The following RORA variants were observed in gnomAD, a reference collection of about 807,000 sequenced individuals.
The protein encoded by RORA is RAR related orphan receptor A, also known as nuclear receptor ROR-alpha.
In RORA, 7 loss-of-function variants were observed where a neutral mutation model predicts 69.5. The ratio of observed to expected loss-of-function variants is 0.10; its 90% confidence interval spans 0.06 to 0.19. The LOEUF (loss-of-function observed/expected upper bound fraction) is 0.19, where lower values mean the gene tolerates loss of function less well. Among genes scored for constraint, RORA ranks in the 10% least tolerant of loss-of-function variants. The pLI, the probability that RORA is intolerant of heterozygous loss-of-function variation, is 1.00. For missense variants in RORA, 457 were observed against 663.0 expected (o/e 0.69, Z 3.41); for synonymous variants, 261 against 240.8 (o/e 1.08, Z -0.78).
rs192097405 is a variant in RORA at position 60,677,447 on chromosome 15, G to A, written c.196+1210C>T. On this transcript the variant is annotated intron_variant, in intron 2 of 10. Transcript: ENST00000335670. ...GCCATCCGGATCATGTGTCTAGTAC[G>A]GGCCTGACCTTTTCATTGTTCCTCA... Among the ~76,000 whole-genome samples, 37 of 152,222 alleles carry A rather than the reference G, an allele frequency of 2.4e-4. No individual in the cohort carries two copies. The East Asian group carries it at 5.4e-3, about 22-fold the overall frequency.
intron 1 of RORA, among the ~76,000 whole-genome samples, chr15:61,124,762 AC>A (rs2079129792): frequency 6.6e-6 from 1 of 152,192 alleles, no homozygotes; most frequent in African/African-American, 2.4e-5. Flanking sequence ...AACTCTGAGT[AC>A]TCAAAGACTG....
At chr15:60,911,658 A>T (rs1891721562) in intron 1 of RORA, among the ~76,000 whole-genome samples, 1 of 151,972 alleles carries the variant, frequency 6.6e-6, no homozygotes, top group African/African-American at 2.4e-5. Context: ...TCGTTTTGGG[A>T]GAAAGAAGGG....
chr15:61,083,323 A>C (rs2078573216), intron 1 of RORA, among the ~76,000 whole-genome samples: 1 of 152,218 alleles, frequency 6.6e-6, no homozygotes, highest in Admixed American at 6.5e-5. Flanking sequence ...CAAGATTAAG[A>C]TTACAAAACG....
chr15:61,066,937 C>T (rs1214039701), intron 1 of RORA, among the ~76,000 whole-genome samples: 1 of 148,542 alleles, frequency 6.7e-6, no homozygotes, highest in African/African-American at 2.5e-5. Flanking sequence ...AGGCCTTGGT[C>T]CACTGAGCAC....
intron 1 of RORA, among the ~76,000 whole-genome samples, chr15:60,757,701 A>G (rs1346617732): frequency 6.6e-6 from 1 of 152,152 alleles, no homozygotes; most frequent in African/African-American, 2.4e-5. Context: ...TGGCACATAG[A>G]AAGTGCCCAT....
At chr15:60,603,241 G>T (rs1427199693) in intron 2 of RORA, among the ~76,000 whole-genome samples, 1 of 152,128 alleles carries the variant, frequency 6.6e-6, no homozygotes, top group African/African-American at 2.4e-5. Context: ...TACAGGCTGT[G>T]GTGTGAACCT....
At chr15:61,151,085 AATAG>A (rs1212281516) in intron 1 of RORA, among the ~76,000 whole-genome samples, 1 of 44,274 alleles carries the variant, frequency 2.3e-5, no homozygotes, top group African/African-American at 4.8e-5. Context: ...AGACATCACC[AATAG>A]ATCATGAATA....
At chr15:60,661,730 C>T (rs1567145796) in intron 2 of RORA, among the ~76,000 whole-genome samples, 2 of 152,268 alleles carry the variant, frequency 1.3e-5, no homozygotes, top group South Asian at 2.1e-4. Flanking sequence ...TTTAGATAAA[C>T]CCTGACTCCA....
intron 1 of RORA, among the ~76,000 whole-genome samples, chr15:60,740,110 CCCT>C (rs946895051): frequency 1.2e-4 from 19 of 152,226 alleles, no homozygotes; most frequent in Admixed American, 3.9e-4. Flanking sequence ...GATTATCACT[CCCT>C]TTTTTTTAGC....
chr15:60,774,008 C>T (rs894289086), intron 1 of RORA, among the ~76,000 whole-genome samples: 2 of 152,190 alleles, frequency 1.3e-5, no homozygotes, highest in African/African-American at 4.8e-5. Flanking sequence ...TTCTGTTTGG[C>T]TGTCTGGGGA....
chr15:60,799,257 A>C (rs1271665023), intron 1 of RORA, among the ~76,000 whole-genome samples: 1 of 152,226 alleles, frequency 6.6e-6, no homozygotes, highest in Non-Finnish European at 1.5e-5. Context: ...TTTTCATGGG[A>C]ATCAGTTAGC....
chr15:60,827,161 C>A (rs577535884), intron 1 of RORA, among the ~76,000 whole-genome samples: 2 of 152,330 alleles, frequency 1.3e-5, no homozygotes, highest in South Asian at 2.1e-4. Flanking sequence ...TAGTATCTAC[C>A]TGAGGTCCCC....
intron 1 of RORA, among the ~76,000 whole-genome samples, chr15:60,816,848 A>G (rs2072824741): frequency 6.6e-6 from 1 of 152,128 alleles, no homozygotes. Flanking sequence ...ATGTTTTTCT[A>G]ATGGGTTAAC....
intron 1 of RORA, among the ~76,000 whole-genome samples, chr15:61,054,860 A>C (rs955553027): frequency 2.5e-4 from 37 of 146,918 alleles, no homozygotes; most frequent in African/African-American, 8.9e-4. Flanking sequence ...GCAGTGAGGC[A>C]GCGTCTCACT....
intron 2 of RORA, among the ~76,000 whole-genome samples, chr15:60,591,018 C>A (rs935859403): frequency 2.0e-5 from 3 of 152,160 alleles, no homozygotes; most frequent in African/African-American, 4.8e-5. Flanking sequence ...AGGCAAAGCT[C>A]GGTGATCCGA....
chr15:60,930,483 A>G (rs1207578584), intron 1 of RORA, among the ~76,000 whole-genome samples: 1 of 152,170 alleles, frequency 6.6e-6, no homozygotes, highest in East Asian at 1.9e-4. Flanking sequence ...TATACAAGTG[A>G]CCCAACACCA....
At chr15:60,712,651 G>A (rs2071160277) in intron 1 of RORA, among the ~76,000 whole-genome samples, 1 of 152,186 alleles carries the variant, frequency 6.6e-6, no homozygotes. Flanking sequence ...TCTGGTACTT[G>A]TTCCCGAGGC....
intron 1 of RORA, among the ~76,000 whole-genome samples, chr15:61,062,864 G>A (rs1448408817): frequency 6.6e-6 from 1 of 152,170 alleles, no homozygotes; most frequent in African/African-American, 2.4e-5. Flanking sequence ...AGTCTGTGAT[G>A]AAGCACGTGG....
intron 1 of RORA, among the ~76,000 whole-genome samples, chr15:60,737,479 G>C (rs2071517310): frequency 6.6e-6 from 1 of 152,180 alleles, no homozygotes; most frequent in South Asian, 2.1e-4. Flanking sequence ...TGGGAACTAG[G>C]TTAGAAATGC....
Sources: allele counts gnomAD v4.1 joint callset (sites outside exome capture counted in the v4.1 genomes callset), GRCh38; gene constraint gnomAD v4.1.1; transcripts MANE v1.5; gene names NCBI Gene and HGNC (gene_info 2026-07-23, HGNC 2026-07-21).